Variants in EXD3 observed in about 807,000 individuals in gnomAD.
EXD3 encodes exonuclease mut-7 homolog.
Under a neutral mutation model 98.0 loss-of-function variants are expected in EXD3, and 92 were observed. The observed-to-expected ratio is 0.94, with a 90% CI of 0.79 to 1.12. The LOEUF (loss-of-function observed/expected upper bound fraction) is 1.12, where lower values mean the gene tolerates loss of function less well. Among genes scored for constraint, EXD3 ranks in the 50% most tolerant of loss-of-function variants. EXD3 has a pLI of 0.00. For missense variants in EXD3, 1,222 were observed against 1,191.6 expected, an observed-to-expected ratio of 1.03 and a Z score of -0.38; for synonymous variants, 569 against 526.0, an observed-to-expected ratio of 1.08 and a Z score of -1.12.
At chr9:137,406,251 A>G (rs967898913) in intron 1 of EXD3, among the ~76,000 whole-genome samples, 3 of 151,738 alleles carry the variant, frequency 2.0e-5, no homozygotes, top group Admixed American at 6.6e-5. Flanking sequence ...AAGAAAAGAA[A>G]AGGAAAGGAA....
intron 12 of EXD3, 145 bp downstream of exon 12, chr9:137,351,921 C>T (rs1296103927): frequency 2.9e-6 from 3 of 1,047,152 alleles, no homozygotes; most frequent in Non-Finnish European, 4.1e-6. Flanking sequence ...TGGGGAACGG[C>T]TGCCCTCACA....
In EXD3 at chr9:137,324,220, C is replaced by A. The variant is rs931890939; in HGVS notation, c.1999-77G>T. ...ACTGGGCCACCTCTGCTCGCCACCC[C>A]CTAGCTCCCCGGATCGTGGCCCTGC... is the stretch of plus-strand genomic sequence containing the variant. On this transcript the variant is annotated intron_variant, in intron 17 of 21. Transcript: ENST00000340951. This position sits in a 1 kb window ranked among gnomAD's most constrained non-coding sequence, Gnocchi z 4.1. 3.0e-5 allele frequency: 39 copies of A among 1,285,584 alleles called. No individual in the cohort carries two copies. The highest frequency in any genetic ancestry group is 1.6e-4 in the South Asian group (12 of 75,846). 79.6% of individuals were successfully genotyped at this position (1,285,584 alleles called of 1,614,324 possible).
At chr9:137,390,045 C>T (rs1363588604) in intron 2 of EXD3, among the ~76,000 whole-genome samples, 1 of 127,478 alleles carries the variant, frequency 7.8e-6, no homozygotes, top group Non-Finnish European at 1.6e-5. Flanking sequence ...TCACTTGAAC[C>T]TGGGAGGTGG....
chr9:137,345,079 A>G (rs1833849596), intron 17 of EXD3, among the ~76,000 whole-genome samples: 1 of 152,174 alleles, frequency 6.6e-6, no homozygotes, highest in Non-Finnish European at 1.5e-5. Context: ...ACCCAGGTTC[A>G]CCTGACAAAG....
At chr9:137,366,459 C>G (rs1396959973) in intron 7 of EXD3, 34 bp downstream of exon 7, 2 of 1,534,454 alleles carry the variant, frequency 1.3e-6, no homozygotes, top group Non-Finnish European at 1.8e-6. Flanking sequence ...AGGATGCCAT[C>G]TGGTGCCAGC....
At chr9:137,376,910 CAA>C (rs1014323704) in intron 3 of EXD3, among the ~76,000 whole-genome samples, 2 of 116,296 alleles carry the variant, frequency 1.7e-5, no homozygotes. Flanking sequence ...GGCTGGGCGA[CAA>C]GAGAGAATCT....
chr9:137,339,496 CAAAA>C (rs57029740), intron 17 of EXD3, among the ~76,000 whole-genome samples: 2,232 of 92,660 alleles, frequency 0.024, 47 homozygotes, highest in African/African-American at 0.077. Flanking sequence ...GACGCCACTT[CAAAA>C]AAAAAAAAAA....
rs1588417115 is a variant in EXD3 at position 137,395,055 on chromosome 9, C to T, written c.55+248G>A. Among the ~76,000 whole-genome samples the T allele has an allele frequency of 2.0e-5, 3 of 152,090 alleles. No homozygotes were observed. The highest frequency in any genetic ancestry group is 4.1e-4 in the South Asian group (2 of 4,832). ...CCCCCGGATCCTGTCACAGGCCCGG[C>T]GCCAGGCCACCCACGCTGGGGCCCA... is the stretch of plus-strand genomic sequence containing the variant. On this transcript the variant is annotated intron_variant, in intron 2 of 21. Transcript: ENST00000340951. This position sits in a 1 kb window ranked among gnomAD's most constrained non-coding sequence, Gnocchi z 6.5.
intron 3 of EXD3, among the ~76,000 whole-genome samples, chr9:137,380,163 C>T (rs11522292): frequency 0.091 from 13,836 of 151,858 alleles, 616 homozygotes; most frequent in Middle Eastern, 0.11. Context: ...TGAAGGAAGC[C>T]GTCCCACCCA....
Position 137,349,453 on chromosome 9 carries a change from C to A in EXD3, c.1573G>T (p.Val525Leu). The change falls in exon 15 of 22, where the codon GTG becomes TTG. Residue 525 changes from valine (V) to leucine (L), a missense_variant. By Grantham distance (32) the Val-to-Leu change is conservative. Coordinates refer to ENST00000340951, the MANE Select transcript of EXD3 (RefSeq NM_017820.5). This position sits in a 1 kb window ranked among gnomAD's most constrained non-coding sequence, Gnocchi z 7.4. The stretch of plus-strand genomic sequence containing the variant: ...GTCTTGTCCAGGGCTGTGCCCAGCA[C>A]CTGCTGCACCAGGAGGCTCAGGCCC... ...LRGLSLLVQQVLGTALDKTQQ... is the reference protein window; with the variant it reads ...LRGLSLLVQQLLGTALDKTQQ... 1 of 1,602,956 alleles carries A rather than the reference C, an allele frequency of 6.2e-7. No individual in the cohort carries two copies. Among genetic ancestry groups the A allele is most frequent in the Non-Finnish European group, 8.5e-7 (1 of 1,177,956 alleles).
At chr9:137,379,839 C>T (rs574979707) in intron 3 of EXD3, among the ~76,000 whole-genome samples, 5 of 152,104 alleles carry the variant, frequency 3.3e-5, no homozygotes, top group Non-Finnish European at 5.9e-5. Flanking sequence ...GCTTCAGTCC[C>T]GTAAACCTTC....
intron 3 of EXD3, among the ~76,000 whole-genome samples, chr9:137,376,343 C>CAAAA (rs765888922): frequency 3.1e-3 from 124 of 39,872 alleles, no homozygotes; most frequent in Non-Finnish European, 3.8e-3. Context: ...GACTCTGTCT[C>CAAAA]AAAAAAAAAA....
At chr9:137,408,777 G>C (rs544323213) in intron 1 of EXD3, among the ~76,000 whole-genome samples, 1 of 152,126 alleles carries the variant, frequency 6.6e-6, no homozygotes, top group Non-Finnish European at 1.5e-5. Context: ...CGAGCCAATC[G>C]GAATGGACAG....
rs955967216 is a variant in EXD3, at chr9:137,356,028, G to T, written c.757+240C>A. ...GCAGGAGGCAGGAAGCCCTCCCGGA[G>T]CCGCCTAGGTGGGCAGAGGAGCTCA... On this transcript the variant is annotated intron_variant, in intron 8 of 21. Coordinates refer to ENST00000340951, the MANE Select transcript of EXD3 (RefSeq NM_017820.5). Among the ~76,000 whole-genome samples the T allele has an allele frequency of 3.9e-5, 6 of 152,330 alleles. No individual in the cohort carries two copies. The East Asian group carries it at 9.6e-4, about 24-fold the overall frequency.
rs1831251612 is a variant in EXD3 at position 137,309,547 on chromosome 9, C to G, written c.2278+60G>C. On this transcript the variant is annotated intron_variant, in intron 20 of 21. Coordinates refer to ENST00000340951, the MANE Select transcript of EXD3 (RefSeq NM_017820.5). The stretch of plus-strand genomic sequence containing the variant: ...GGGCCAGGCCCCTCTCCCTGGCTAC[C>G]TCAGTAGGTCGACCCATCCCAGGCC... 2.8e-6 allele frequency: 4 copies of G among 1,408,898 alleles called. No homozygotes were observed. The South Asian group carries it at 3.7e-5, about 13-fold the overall frequency. The allele number at this position is 1,408,898 out of a possible 1,614,324, so 87.3% of individuals were successfully genotyped here. A position where few individuals can be genotyped will look rare whatever the true frequency, so the allele number is the denominator to read the frequency against.
At position 137,312,182 on chromosome 9, in the gene EXD3, G is replaced by A. The variant is rs1242707192; in HGVS notation, c.2185-2482C>T. Among the ~76,000 whole-genome samples, 3 of 152,178 alleles carry A rather than the reference G, an allele frequency of 2.0e-5. No homozygotes were observed. In the East Asian group the frequency reaches 5.8e-4, roughly 29 times the overall value. On this transcript the variant is annotated intron_variant, in intron 19 of 21. Coordinates refer to ENST00000340951, the MANE Select transcript of EXD3 (RefSeq NM_017820.5). ...ACGGGGACCCTGAGCAGAGGTCAAGGCTGTGGGTCCAGAGCAGCACAGCGG... is the reference window on the plus strand; with the variant it reads ...ACGGGGACCCTGAGCAGAGGTCAAGACTGTGGGTCCAGAGCAGCACAGCGG...
At chr9:137,392,784 AGGGGGCATCGAGGCTGTTCTGT>A in intron 2 of EXD3, 1 of 244,384 alleles carries the variant, frequency 4.1e-6, no homozygotes, top group Non-Finnish European at 7.3e-6. Flanking sequence ...AGGCTGTTCC[AGGGGGCATCGAGGCTGTTCTGT>A]GGGGGGGCGC....
At chr9:137,416,771 T>A (rs752449560) in intron 1 of EXD3, among the ~76,000 whole-genome samples, 4 of 151,692 alleles carry the variant, frequency 2.6e-5, no homozygotes, top group Non-Finnish European at 5.9e-5. Context: ...CAAGGGTCGG[T>A]AGGCCGTCCC....
intron 17 of EXD3, among the ~76,000 whole-genome samples, chr9:137,339,700 G>A (rs1400045473): frequency 6.6e-6 from 1 of 152,098 alleles, no homozygotes; most frequent in Non-Finnish European, 1.5e-5. Context: ...GCATTAGGTA[G>A]GTCGAATTCA....
Sources: allele counts gnomAD v4.1 joint callset (sites outside exome capture counted in the v4.1 genomes callset), GRCh38; gene constraint gnomAD v4.1.1; non-coding constraint Gnocchi (gnomAD v3.1); transcripts MANE v1.5; gene names NCBI Gene and HGNC (gene_info 2026-07-23, HGNC 2026-07-21).